The following PARVB variants were observed in gnomAD, a reference collection of about 807,000 sequenced individuals.
PARVB encodes parvin beta, also known as beta-parvin.
A neutral mutation model predicts 47.0 loss-of-function variants in PARVB; 46 were observed. That is an observed-to-expected ratio of 0.98 (90% CI 0.77 to 1.25). PARVB has a LOEUF of 1.25. Among genes scored for constraint, PARVB ranks in the 50% most tolerant of loss-of-function variants. PARVB has a pLI of 0.00. For synonymous variants in PARVB, 196 were observed against 196.3 expected (o/e 1.00, Z 0.01); for missense variants, 473 against 471.6 (o/e 1.00, Z -0.03).
rs9614328 is a variant in PARVB at position 44,103,678 on chromosome 22, G to A, written c.273+3555G>A. 11,087 of 152,290 alleles carry A rather than the reference G, an allele frequency of 0.073. 456 individuals are homozygous for A. The highest frequency in any genetic ancestry group is 0.095 in the Middle Eastern group (28 of 294). The allele number at this position is 152,290 out of a possible 1,614,324, so 9.4% of individuals were successfully genotyped here. On this transcript the variant is annotated intron_variant, in intron 3 of 12. Transcript: ENST00000338758. The surrounding 1 kb of genome is among the most constrained non-coding windows in gnomAD (Gnocchi z 4.6). ...TGATCCAGGCGGGCCCAGTGTGTTCGCTAGTGTCTGTATAAGAGGGACATG... is the reference window on the plus strand; with the variant it reads ...TGATCCAGGCGGGCCCAGTGTGTTCACTAGTGTCTGTATAAGAGGGACATG...
intron 1 of PARVB, among the ~76,000 whole-genome samples, chr22:44,092,826 G>C (rs1039313049): frequency 1.3e-5 from 2 of 152,240 alleles, no homozygotes; most frequent in Non-Finnish European, 2.9e-5. Flanking sequence ...CCCCCTTGCT[G>C]TTCCATCATC....
chr22:44,080,928 A>G (rs928476684), intron 1 of PARVB, among the ~76,000 whole-genome samples: 1 of 152,112 alleles, frequency 6.6e-6, no homozygotes, highest in African/African-American at 2.4e-5. Context: ...CCTTAGACTA[A>G]TAGTGCCTCG....
chr22:44,122,716 C>G (rs964711487), intron 4 of PARVB, among the ~76,000 whole-genome samples: 4 of 151,982 alleles, frequency 2.6e-5, no homozygotes, highest in Non-Finnish European at 5.9e-5. Context: ...ATATACACAC[C>G]TACTCATTTC....
chr22:44,121,073 C>T (rs1458710731), intron 4 of PARVB, among the ~76,000 whole-genome samples: 1 of 152,158 alleles, frequency 6.6e-6, no homozygotes, highest in Admixed American at 6.5e-5. Flanking sequence ...GATCTCCTGA[C>T]CTCATGATCC....
chr22:44,137,000 A>C (rs2053454058), intron 7 of PARVB, among the ~76,000 whole-genome samples: 1 of 152,262 alleles, frequency 6.6e-6, no homozygotes, highest in Admixed American at 6.5e-5. Context: ...ATCTATTGAA[A>C]ATAGCAAATC....
rs1398688419 is a variant in PARVB at position 44,163,843 on chromosome 22, C to A, written c.946-15C>A. The A allele has an allele frequency of 1.2e-6, 2 of 1,600,896 alleles. No homozygotes were observed. Among genetic ancestry groups the A allele is most frequent in the Non-Finnish European group, 1.7e-6 (2 of 1,173,216 alleles). On this transcript the variant is annotated splice_polypyrimidine_tract_variant and intron_variant, in intron 11 of 12. Transcript: ENST00000338758. ...TGTTGGACCCTAACGCTGACCCACC[C>A]CCCTTCCTTGGCAGGTCCACAATGT...
chr22:44,135,020 A>AACC (rs2053412056), intron 6 of PARVB, among the ~76,000 whole-genome samples: 2 of 152,150 alleles, frequency 1.3e-5, no homozygotes, highest in Admixed American at 1.3e-4. Flanking sequence ...TGTCACCCAC[A>AACC]CTGTTGTTCA....
rs775626083 is a variant in PARVB, at chr22:44,168,720, A to G, written c.*42A>G. 12 of 1,384,058 alleles carry G rather than the reference A, an allele frequency of 8.7e-6. No homozygotes were observed. The highest frequency in any genetic ancestry group is 1.8e-4 in the Middle Eastern group (1 of 5,552). The allele number at this position is 1,384,058 out of a possible 1,614,324, so 85.7% of individuals were successfully genotyped here. ...GGTGGCAGGAGTGTCCCAGCAAGAA[A>G]GGCGGCATCCGTCTGTGCCCTGTGC... On this transcript the variant is annotated 3_prime_UTR_variant, in exon 13 of 13. Transcript: ENST00000338758.
At chr22:44,071,018 G>A (rs1385132006) in intron 1 of PARVB, among the ~76,000 whole-genome samples, 2 of 152,210 alleles carry the variant, frequency 1.3e-5, no homozygotes, top group South Asian at 2.1e-4. Context: ...TGGCCTGGTG[G>A]GGTAGGAGTC....
intron 1 of PARVB, among the ~76,000 whole-genome samples, chr22:44,044,396 T>C (rs1468635746): frequency 6.6e-6 from 1 of 152,140 alleles, no homozygotes; most frequent in Non-Finnish European, 1.5e-5. Flanking sequence ...TTCACCGTGT[T>C]AGCCAGGATG....
intron 2 of PARVB, among the ~76,000 whole-genome samples, chr22:44,015,179 G>A (rs1205175928): frequency 7.0e-6 from 1 of 143,512 alleles, no homozygotes; most frequent in Non-Finnish European, 1.5e-5. Context: ...AAAAAAAAAA[G>A]TTCTAACCTG....
intron 1 of PARVB, among the ~76,000 whole-genome samples, chr22:44,025,520 T>TCCCAGGGATGCCTGTGCC (rs1344067601): frequency 2.0e-5 from 3 of 152,152 alleles, no homozygotes; most frequent in Admixed American, 1.3e-4. Context: ...AGACATTTTC[T>TCCCAGGGATGCCTGTGCC]CCCAGGGATG....
At chr22:44,099,023 A>C (rs1255416929) in intron 2 of PARVB, among the ~76,000 whole-genome samples, 1 of 152,050 alleles carries the variant, frequency 6.6e-6, no homozygotes, top group African/African-American at 2.4e-5. Flanking sequence ...CCCCAGCCCC[A>C]TGGGAGCCTG....
chr22:44,170,887 A>G lies in PARVB; in HGVS notation c.*2209A>G, dbSNP rs915717034. 1 of 152,264 alleles carries G rather than the reference A, an allele frequency of 6.6e-6. No homozygotes were observed. Among genetic ancestry groups the G allele is most frequent in the Non-Finnish European group, 1.5e-5 (1 of 68,046 alleles). 9.4% of individuals were successfully genotyped at this position (152,264 alleles called of 1,614,324 possible). A position where few individuals can be genotyped will look rare whatever the true frequency, so the allele number is the denominator to read the frequency against. ...AATCGAATGCCAACACCGAAGTTTT[A>G]GAAAACAGTTTAATATTCCCTCTCA... On this transcript the variant is annotated 3_prime_UTR_variant, in exon 13 of 13. Transcript: ENST00000338758.
In PARVB at chr22:44,024,349, G is replaced by T; in HGVS notation, c.10G>T (p.Ala4Ser). The change falls in exon 1 of 13, where the codon GCG (alanine) becomes TCG (serine). Residue 4 changes from alanine (A) to serine (S), a missense_variant. Coordinates refer to ENST00000338758, the MANE Select transcript of PARVB (RefSeq NM_013327.5). MSSAPRSPTPRPRR... is the reference protein window; with the variant it reads MSSSPRSPTPRPRR... Reference sequence around the variant, plus strand: ...GCCCCACGCGCGGCCCATGTCCTCCGCGCCGCGCTCGCCCACCCCGCGGCC... The same window carrying T: ...GCCCCACGCGCGGCCCATGTCCTCCTCGCCGCGCTCGCCCACCCCGCGGCC... 9.0e-7 allele frequency: 1 copy of T among 1,110,500 alleles called. No homozygotes were observed. The highest frequency in any genetic ancestry group is 1.1e-6 in the Non-Finnish European group (1 of 908,636). 68.8% of individuals were successfully genotyped at this position (1,110,500 alleles called of 1,614,324 possible).
intron 1 of PARVB, among the ~76,000 whole-genome samples, chr22:44,042,663 T>C (rs917355552): frequency 4.6e-5 from 7 of 152,258 alleles, no homozygotes; most frequent in Non-Finnish European, 8.8e-5. Context: ...GAGATTTTAA[T>C]GATTTGAAAT....
chr22:44,043,349 A>G (rs2051052905), intron 1 of PARVB, among the ~76,000 whole-genome samples: 1 of 152,126 alleles, frequency 6.6e-6, no homozygotes, highest in Admixed American at 6.6e-5. Flanking sequence ...TGAATTTACT[A>G]AAAATCATTG....
intron 7 of PARVB, 103 bp from the exon 8 acceptor site, chr22:44,140,021 C>A: frequency 2.2e-5 from 3 of 135,876 alleles, no homozygotes; most frequent in Non-Finnish European, 3.5e-5. Context: ...CAGCGAGGGC[C>A]CAGCTTTCTG....
intron 3 of PARVB, chr22:44,112,745 G>A (rs1779641932): frequency 2.1e-4 from 1 of 4,850 alleles, no homozygotes; most frequent in Non-Finnish European, 3.2e-4. Flanking sequence ...ACTAAGTAAG[G>A]CCCTGCACCA....
Sources: allele counts gnomAD v4.1 joint callset (sites outside exome capture counted in the v4.1 genomes callset), GRCh38; gene constraint gnomAD v4.1.1; non-coding constraint Gnocchi (gnomAD v3.1); transcripts MANE v1.5; gene names NCBI Gene and HGNC (gene_info 2026-07-23, HGNC 2026-07-21).